The following LARGE1 variants were observed in gnomAD, a reference collection of about 807,000 sequenced individuals.
LARGE1 encodes xylosyl- and glucuronyltransferase LARGE1.
In LARGE1, 43 loss-of-function variants were observed where a neutral mutation model predicts 87.6. That is an observed-to-expected ratio of 0.49 (90% CI 0.38 to 0.63). The LOEUF (loss-of-function observed/expected upper bound fraction) is 0.63. Among genes scored for constraint, LARGE1 ranks in the 30% least tolerant of loss-of-function variants. The pLI is 0.00. For synonymous variants in LARGE1, 434 were observed against 394.6 expected (o/e 1.10, Z -1.18); for missense variants, 802 against 1,000.2 (o/e 0.80, Z 2.67).
In LARGE1 at chr22:33,554,606, G is replaced by A. The variant is rs115044796; in HGVS notation, c.787+10242C>T. 1.6e-3 allele frequency among the ~76,000 whole-genome samples: 239 copies of A among 152,150 alleles called. 1 individual carries two copies. Among genetic ancestry groups the A allele is most frequent in the African/African-American group, 5.4e-3 (223 of 41,522 alleles). On this transcript the variant is annotated intron_variant, in intron 6 of 14. Coordinates refer to ENST00000397394, the MANE Select transcript of LARGE1 (RefSeq NM_133642.5). ...GCTCTGACTCCAAGGCTAACATCCC[G>A]CTACGGGCCACAGTGGTCTTTTGCT...
intron 6 of LARGE1, among the ~76,000 whole-genome samples, chr22:33,479,016 C>T (rs1420375394): frequency 1.3e-5 from 2 of 152,150 alleles, no homozygotes; most frequent in South Asian, 2.1e-4. Context: ...AGGAACCTCA[C>T]CATTCATATG....
intron 6 of LARGE1, among the ~76,000 whole-genome samples, chr22:33,464,337 G>C (rs1277116632): frequency 6.6e-6 from 1 of 152,048 alleles, no homozygotes; most frequent in African/African-American, 2.4e-5. Context: ...ATTTTCATAA[G>C]TCGAATCCAA....
In LARGE1 at chr22:33,754,557, C is replaced by T. The variant is rs186886963; in HGVS notation, c.106+6814G>A. 1.3e-3 allele frequency among the ~76,000 whole-genome samples: 205 copies of T among 152,100 alleles called. 1 individual carries two copies. The highest frequency in any genetic ancestry group is 4.7e-3 in the African/African-American group (197 of 41,502). ...TTCACCGTATTCGCCAGGATGGTTT[C>T]GATCTCCTGACCTTGTGATCTGCCC... On this transcript the variant is annotated intron_variant, in intron 2 of 14. Transcript: ENST00000397394.
chr22:33,805,984 G>A (rs1480282826), intron 1 of LARGE1, among the ~76,000 whole-genome samples: 2 of 152,066 alleles, frequency 1.3e-5, no homozygotes, highest in Non-Finnish European at 2.9e-5. Context: ...CAACCCAGAG[G>A]CATTTATTTA....
intron 1 of LARGE1, among the ~76,000 whole-genome samples, chr22:33,908,704 G>A (rs1367535682): frequency 6.6e-6 from 1 of 152,094 alleles, no homozygotes; most frequent in Non-Finnish European, 1.5e-5. Flanking sequence ...ATTCCTTAAA[G>A]ATTAAAAATA....
the LARGE1 span, among the ~76,000 whole-genome samples, chr22:33,076,720 C>T: frequency 2.0e-5 from 3 of 152,078 alleles, no homozygotes; most frequent in Non-Finnish European, 2.9e-5. Context: ...ATCCATATGT[C>T]TATAAACAAA....
At chr22:33,089,425 CTCTTCCTCTTCT>C in the LARGE1 span, among the ~76,000 whole-genome samples, 7 of 76,826 alleles carry the variant, frequency 9.1e-5, no homozygotes, top group Admixed American at 4.3e-4. Context: ...CTTCTTCTTC[CTCTTCCTCTTCT>C]TCTTCCTCTT....
At chr22:33,625,493 T>G (rs993174305) in intron 4 of LARGE1, among the ~76,000 whole-genome samples, 7 of 152,154 alleles carry the variant, frequency 4.6e-5, no homozygotes, top group African/African-American at 1.7e-4. Flanking sequence ...TGGGAAACAG[T>G]TTAACTAAGG....
chr22:33,542,070 G>C (rs1236219002), intron 6 of LARGE1, among the ~76,000 whole-genome samples: 1 of 149,002 alleles, frequency 6.7e-6, no homozygotes, highest in Non-Finnish European at 1.5e-5. Flanking sequence ...GCTGAGGCAG[G>C]AGAAACCCTT....
At chr22:33,662,022 G>T in intron 2 of LARGE1, among the ~76,000 whole-genome samples, 1 of 118,210 alleles carries the variant, frequency 8.5e-6, no homozygotes, top group African/African-American at 3.3e-5. Context: ...ACTGGAAGAA[G>T]AATTGTCTTG....
intron 2 of LARGE1, among the ~76,000 whole-genome samples, chr22:33,660,597 C>G (rs2081095616): frequency 6.6e-6 from 1 of 152,230 alleles, no homozygotes; most frequent in African/African-American, 2.4e-5. Flanking sequence ...ATGGTTGAGT[C>G]TGAGAAAGCA....
intron 1 of LARGE1, among the ~76,000 whole-genome samples, chr22:33,888,255 A>T (rs1244288219): frequency 6.6e-6 from 1 of 152,260 alleles, no homozygotes; most frequent in African/African-American, 2.4e-5. Flanking sequence ...GTCAATTTTT[A>T]AAAAACGAAA....
intron 2 of LARGE1, among the ~76,000 whole-genome samples, chr22:33,730,437 C>T (rs959644028): frequency 3.3e-5 from 5 of 152,162 alleles, no homozygotes; most frequent in Admixed American, 1.3e-4. Context: ...ACATTGCATG[C>T]CTGTACCAAA....
intron 12 of LARGE1, among the ~76,000 whole-genome samples, chr22:33,302,760 G>T (rs970496427): frequency 6.6e-6 from 1 of 152,158 alleles, no homozygotes; most frequent in Non-Finnish European, 1.5e-5. Flanking sequence ...GCCCAACAAC[G>T]TGTAGCAGGG....
chr22:33,460,103 A>G (rs891965939), intron 6 of LARGE1, among the ~76,000 whole-genome samples: 4 of 152,240 alleles, frequency 2.6e-5, no homozygotes, highest in Non-Finnish European at 5.9e-5. Context: ...CATACTGTCC[A>G]GCTAACTGTA....
intron 6 of LARGE1, among the ~76,000 whole-genome samples, chr22:33,521,573 G>C (rs751032405): frequency 6.6e-6 from 1 of 152,300 alleles, no homozygotes; most frequent in East Asian, 1.9e-4. Context: ...CAAACGACAA[G>C]ACCGGCCCAG....
At chr22:33,246,343 A>C (rs1602142696) in intron 11 of LARGE1, among the ~76,000 whole-genome samples, 1 of 152,126 alleles carries the variant, frequency 6.6e-6, no homozygotes, top group East Asian at 1.9e-4. Context: ...ATGTACTGTC[A>C]GTGATTTTAC....
chr22:33,433,416 G>A (rs942189227), intron 6 of LARGE1, among the ~76,000 whole-genome samples: 4 of 151,968 alleles, frequency 2.6e-5, no homozygotes, highest in African/African-American at 9.7e-5. Context: ...CTAACACAGT[G>A]AAACCCCATC....
chr22:33,706,090 T>C (rs1412220510), intron 2 of LARGE1, among the ~76,000 whole-genome samples: 1 of 151,868 alleles, frequency 6.6e-6, no homozygotes, highest in African/African-American at 2.4e-5. Flanking sequence ...AGAAAGAAGG[T>C]TTCTAAAGAT....
Sources: gnomAD v4.1 joint callset for allele counts (sites outside exome capture counted in the v4.1 genomes callset) on GRCh38, gnomAD v4.1.1 for gene constraint, MANE v1.5 for transcripts, NCBI Gene and HGNC (gene_info 2026-07-23, HGNC 2026-07-21) for gene names.